The following MYO3B variants were observed in gnomAD, a reference collection of about 807,000 sequenced individuals.
MYO3B encodes the protein myosin IIIB.
MYO3B carries 156 observed loss-of-function variants against 174.6 expected under a neutral mutation model. That is an observed-to-expected ratio of 0.89 (90% CI 0.78 to 1.02). The LOEUF is 1.02. MYO3B is among the 50% of genes least tolerant of loss of function. The pLI is 0.00. For missense variants in MYO3B, 1,632 were observed against 1,639.4 expected (o/e 1.00, Z 0.08); for synonymous variants, 563 against 569.1 (o/e 0.99, Z 0.15).
intron 32 of MYO3B, among the ~76,000 whole-genome samples, chr2:170,610,796 G>C (rs544625891): frequency 2.0e-5 from 3 of 152,132 alleles, no homozygotes; most frequent in African/African-American, 4.8e-5. Flanking sequence ...TGAGGATTTC[G>C]CATTTGGGTA....
Position 170,432,151 on chromosome 2 carries a change from T to A in MYO3B, c.2651-11816T>A, listed in dbSNP as rs74696013. 1.6e-3 allele frequency among the ~76,000 whole-genome samples: 249 copies of A among 151,536 alleles called. 2 individuals are homozygous for A. The highest frequency in any genetic ancestry group is 4.9e-3 in the African/African-American group (202 of 41,380). On this transcript the variant is annotated intron_variant, in intron 22 of 34. Transcript: ENST00000408978. ...TTATTTTAGCATGTACTCCTACTTA[T>A]TTTTTTTTAAGTTAACTATAAAACT...
At chr2:170,445,778 T>G (rs185981086) in intron 23 of MYO3B, among the ~76,000 whole-genome samples, 302 of 152,244 alleles carry the variant, frequency 2.0e-3, no homozygotes, top group Admixed American at 5.4e-3. Flanking sequence ...GGACTATAGG[T>G]GGGCACCACC....
At chr2:170,562,115 A>C (rs1476754046) in intron 32 of MYO3B, among the ~76,000 whole-genome samples, 1 of 152,228 alleles carries the variant, frequency 6.6e-6, no homozygotes, top group Non-Finnish European at 1.5e-5. Flanking sequence ...GGAATTCTAA[A>C]GTTAGAACAT....
At chr2:170,436,451 C>T (rs1394920117) in intron 22 of MYO3B, among the ~76,000 whole-genome samples, 1 of 152,174 alleles carries the variant, frequency 6.6e-6, no homozygotes, top group African/African-American at 2.4e-5. Flanking sequence ...GCTCCTGCCA[C>T]CCCTGGATTA....
intron 7 of MYO3B, among the ~76,000 whole-genome samples, chr2:170,332,620 A>G (rs2093919481): frequency 6.6e-6 from 1 of 152,232 alleles, no homozygotes; most frequent in Admixed American, 6.5e-5. Flanking sequence ...GATGAACTCC[A>G]GGAAAGGCAG....
intron 7 of MYO3B, among the ~76,000 whole-genome samples, chr2:170,324,005 C>G (rs1200710087): frequency 6.6e-6 from 1 of 152,134 alleles, no homozygotes; most frequent in African/African-American, 2.4e-5. Context: ...AAAGGAGTTC[C>G]CCTTTTATGG....
intron 22 of MYO3B, among the ~76,000 whole-genome samples, chr2:170,416,718 G>GT (rs979576122): frequency 7.0e-6 from 1 of 142,762 alleles, no homozygotes; most frequent in African/African-American, 2.7e-5. Flanking sequence ...CATTTACTCT[G>GT]TTTTTGTTTT....
chr2:170,571,233 T>C (rs1049507463), intron 32 of MYO3B, among the ~76,000 whole-genome samples: 7 of 152,200 alleles, frequency 4.6e-5, no homozygotes, highest in Non-Finnish European at 1.0e-4. Context: ...AATAGAAATA[T>C]GAATGATTCT....
At chr2:170,595,119 C>G (rs1694061513) in intron 32 of MYO3B, among the ~76,000 whole-genome samples, 1 of 152,092 alleles carries the variant, frequency 6.6e-6, no homozygotes, top group South Asian at 2.1e-4. Flanking sequence ...ACTTACCCCC[C>G]CACAAACCTA....
intron 7 of MYO3B, among the ~76,000 whole-genome samples, chr2:170,318,188 A>G (rs56259982): frequency 0.29 from 43,433 of 152,120 alleles, 6,597 homozygotes; most frequent in South Asian, 0.39. Flanking sequence ...AACTAGTTGC[A>G]TACAAGTTTG....
At position 170,315,994 on chromosome 2, in the gene MYO3B, A is replaced by G. The variant is rs565000299; in HGVS notation, c.750-19391A>G. 1.1e-3 allele frequency among the ~76,000 whole-genome samples: 175 copies of G among 152,312 alleles called. 1 individual carries two copies. Among genetic ancestry groups the G allele is most frequent in the Admixed American group, 4.0e-3 (61 of 15,298 alleles). On this transcript the variant is annotated intron_variant, in intron 7 of 34. Coordinates refer to ENST00000408978, the MANE Select transcript of MYO3B (RefSeq NM_138995.5). ...AATGCAAATGTGATCTCAAAATGACACATGTCTGGGCTATTTCAGAGATGA... is the reference window on the plus strand; with the variant it reads ...AATGCAAATGTGATCTCAAAATGACGCATGTCTGGGCTATTTCAGAGATGA...
chr2:170,645,397 C>T (rs190691264), intron 32 of MYO3B, among the ~76,000 whole-genome samples: 37 of 146,846 alleles, frequency 2.5e-4, no homozygotes, highest in Admixed American at 1.4e-3. Flanking sequence ...GCTTGAACCC[C>T]GGTGGAGGTT....
chr2:170,232,151 C>T (rs1321868960), intron 6 of MYO3B, among the ~76,000 whole-genome samples: 2 of 152,186 alleles, frequency 1.3e-5, no homozygotes, highest in Non-Finnish European at 2.9e-5. Context: ...AGGTCACCTT[C>T]TCCTGGGGAC....
intron 28 of MYO3B, among the ~76,000 whole-genome samples, chr2:170,510,967 T>A (rs755550775): frequency 6.6e-6 from 1 of 152,268 alleles, no homozygotes; most frequent in African/African-American, 2.4e-5. Context: ...TACCACAATT[T>A]TATTCATTTA....
chr2:170,432,538 A>T (rs896379031), intron 22 of MYO3B, among the ~76,000 whole-genome samples: 12 of 151,914 alleles, frequency 7.9e-5, no homozygotes, highest in Non-Finnish European at 4.4e-5. Context: ...AGGTAAAAAA[A>T]GTTATGGTAA....
chr2:170,537,145 G>C (rs1689747319), intron 30 of MYO3B, among the ~76,000 whole-genome samples: 1 of 148,582 alleles, frequency 6.7e-6, no homozygotes, highest in African/African-American at 2.5e-5. Flanking sequence ...ATGTTGCAGT[G>C]AGCCGAGATC....
At chr2:170,200,377 T>A in intron 3 of MYO3B, 93 bp downstream of exon 3, 9 of 1,428,692 alleles carry the variant, frequency 6.3e-6, no homozygotes, top group Non-Finnish European at 8.5e-6. Flanking sequence ...AAGGTACACA[T>A]TTGAGGAGTA....
intron 25 of MYO3B, among the ~76,000 whole-genome samples, chr2:170,470,254 T>C (rs7569171): frequency 0.99 from 150,963 of 152,278 alleles, 74,840 homozygotes; most frequent in East Asian, 1. Flanking sequence ...CCATTCTCCC[T>C]TTTCTCCTCA....
chr2:170,413,299 C>T (rs2094557420), intron 22 of MYO3B, among the ~76,000 whole-genome samples: 4 of 152,040 alleles, frequency 2.6e-5, no homozygotes, highest in African/African-American at 9.7e-5. Context: ...AGTAATGAGG[C>T]ATTCTAAGCC....
Sources: gnomAD v4.1 joint callset for allele counts (sites outside exome capture counted in the v4.1 genomes callset) on GRCh38, gnomAD v4.1.1 for gene constraint, MANE v1.5 for transcripts, NCBI Gene and HGNC (gene_info 2026-07-23, HGNC 2026-07-21) for gene names.